Variants in UNC13A observed in about 807,000 individuals in gnomAD.
The protein encoded by UNC13A is unc-13 homolog A.
A neutral mutation model predicts 219.7 loss-of-function variants in UNC13A; 61 were observed. The ratio of observed to expected loss-of-function variants is 0.28; its 90% CI spans 0.23 to 0.34. The LOEUF is 0.34. Among genes scored for constraint, UNC13A ranks in the 10% least tolerant of loss-of-function variants. The pLI, the probability that UNC13A is intolerant of heterozygous loss-of-function variation, is 1.00. For missense variants in UNC13A, 1,476 were observed against 2,270.3 expected, an observed-to-expected ratio of 0.65 and a Z score of 7.11; for synonymous variants, 920 against 884.6, an observed-to-expected ratio of 1.04 and a Z score of -0.71.
Position 17,642,954 on chromosome 19 carries a change from C to T in UNC13A, c.2363G>A (p.Arg788Gln), listed in dbSNP as rs1271616666. 4 of 1,604,264 alleles carry T rather than the reference C, an allele frequency of 2.5e-6. No individual in the cohort carries two copies. The highest frequency in any genetic ancestry group is 3.4e-6 in the Non-Finnish European group (4 of 1,175,360). Residue 788 changes from arginine to glutamine, a missense_variant, in exon 20 of 44, where the codon CGA (arginine) becomes CAA (glutamine). By Grantham distance (43) the Arg-to-Gln change is conservative. This residue lies in a region of UNC13A where 66 missense variants were observed against 224.3 expected (regional missense o/e 0.29). Transcript: ENST00000519716. ...EMDVWYNLDKRTDKSAVSGAI... is the reference protein window; with the variant it reads ...EMDVWYNLDKQTDKSAVSGAI... The stretch of plus-strand genomic sequence containing the variant: ...ACCCGACACGGCAGATTTGTCAGTT[C>T]GCTTGTCTGCAGGGCAGAAAAAGAA...
At chr19:17,668,752 G>A (rs1308478115) in intron 5 of UNC13A, among the ~76,000 whole-genome samples, 1 of 152,112 alleles carries the variant, frequency 6.6e-6, no homozygotes, top group Non-Finnish European at 1.5e-5. Flanking sequence ...GCCTCTCAAA[G>A]TGCTGGGATT....
rs1366214382 is a variant in UNC13A, at chr19:17,602,935, G to A, written c.*3119C>T. On this transcript the variant is annotated 3_prime_UTR_variant, in exon 44 of 44. Transcript: ENST00000519716. ...TGAGAGTCCTCAGACCCCAGTCTGG[G>A]AGAAACAGAGCTGGACAGAGAAACC... 6.6e-6 allele frequency: 1 copy of A among 152,272 alleles called. No homozygotes were observed. Among genetic ancestry groups the A allele is most frequent in the African/African-American group, 2.4e-5 (1 of 41,462 alleles). 9.4% of individuals were successfully genotyped at this position (152,272 alleles called of 1,614,324 possible).
At chr19:17,655,775 A>T in intron 10 of UNC13A, 108 bp downstream of exon 10, 2 of 1,425,174 alleles carry the variant, frequency 1.4e-6, no homozygotes, top group South Asian at 3.2e-5. Context: ...AGAGCCTGTG[A>T]CAACTTCAGC....
At chr19:17,659,941 G>A (rs2079523132) in intron 8 of UNC13A, among the ~76,000 whole-genome samples, 1 of 152,140 alleles carries the variant, frequency 6.6e-6, no homozygotes, top group Admixed American at 6.6e-5. Flanking sequence ...TCTCACTTGG[G>A]CTGGAGCGCA....
intron 2 of UNC13A, among the ~76,000 whole-genome samples, chr19:17,675,755 C>T (rs937386518): frequency 2.0e-5 from 3 of 152,146 alleles, no homozygotes; most frequent in Non-Finnish European, 4.4e-5. Flanking sequence ...CTGGGAAGAG[C>T]CACTGGCTCA....
At chr19:17,646,187 T>C in intron 17 of UNC13A, 76 bp from the exon 18 acceptor site, 1 of 1,574,804 alleles carries the variant, frequency 6.3e-7, no homozygotes, top group South Asian at 1.1e-5. Context: ...TGCCACACGC[T>C]GCAGGCTGAT....
At chr19:17,661,437 T>C (rs2079549499) in intron 8 of UNC13A, among the ~76,000 whole-genome samples, 1 of 152,124 alleles carries the variant, frequency 6.6e-6, no homozygotes, top group Non-Finnish European at 1.5e-5. Flanking sequence ...CTCACACCTA[T>C]AATCCCAGCA....
At chr19:17,641,670 A>C in intron 20 of UNC13A, 114 bp from the exon 21 acceptor site, 1 of 1,069,796 alleles carries the variant, frequency 9.3e-7, no homozygotes, top group Non-Finnish European at 1.3e-6. Context: ...TCATTAATTC[A>C]TTCATCTACT....
At chr19:17,659,696 G>T (rs941878656) in intron 8 of UNC13A, among the ~76,000 whole-genome samples, 1 of 152,148 alleles carries the variant, frequency 6.6e-6, no homozygotes, top group African/African-American at 2.4e-5. Context: ...TGGAGCCCAG[G>T]AGGTCGAGGT....
chr19:17,621,477 G>GT (rs2076729118), intron 37 of UNC13A, among the ~76,000 whole-genome samples: 1 of 152,080 alleles, frequency 6.6e-6, no homozygotes, highest in African/African-American at 2.4e-5. Context: ...AGAAATCTAC[G>GT]TAAAAAACAA....
Position 17,652,632 on chromosome 19 carries a change from C to T in UNC13A, c.1438G>A (p.Gly480Ser), listed in dbSNP as rs199618402. 1.4e-5 allele frequency: 23 copies of T among 1,613,840 alleles called. No homozygotes were observed. Among genetic ancestry groups the T allele is most frequent in the African/African-American group, 9.3e-5 (7 of 75,024 alleles). The change falls in exon 12 of 44, where the codon GGC (glycine) becomes AGC (serine). Residue 480 changes from glycine (G) to serine (S), a missense_variant and splice_region_variant. Transcript: ENST00000519716. Reference sequence around the variant, plus strand: ...ACCGCTCACAGTTTCATTACTTACCCGCCTTTGAACCATAGGGATTTAGAC... The same window carrying T: ...ACCGCTCACAGTTTCATTACTTACCTGCCTTTGAACCATAGGGATTTAGAC... ...EMSKSLWFKG[G>S]PGGGLIIIDS...
intron 37 of UNC13A, among the ~76,000 whole-genome samples, chr19:17,621,346 C>T (rs1303705329): frequency 6.6e-6 from 1 of 152,146 alleles, no homozygotes; most frequent in African/African-American, 2.4e-5. Flanking sequence ...GCTAAGACTC[C>T]ATTTGTAGAC....
chr19:17,685,488 C>T (rs936463709), intron 1 of UNC13A, among the ~76,000 whole-genome samples: 2 of 152,152 alleles, frequency 1.3e-5, no homozygotes, highest in Non-Finnish European at 2.9e-5. Flanking sequence ...CCTGAGCCAC[C>T]GCGCTCGGCT....
chr19:17,640,722 C>T, intron 21 of UNC13A, 61 bp from the exon 22 acceptor site: 1 of 1,474,540 alleles, frequency 6.8e-7, no homozygotes, highest in Non-Finnish European at 9.0e-7. Context: ...CCAAGATCCC[C>T]CCTAGAATGC....
At chr19:17,677,749 T>C (rs1402755893) in intron 1 of UNC13A, among the ~76,000 whole-genome samples, 1 of 152,144 alleles carries the variant, frequency 6.6e-6, no homozygotes, top group Non-Finnish European at 1.5e-5. Flanking sequence ...ATGCACATGT[T>C]GTAAAATCCA....
chr19:17,624,991 GCCCCCACCC>G, intron 34 of UNC13A, 39 bp from the exon 35 acceptor site: 1 of 1,595,890 alleles, frequency 6.3e-7, no homozygotes, highest in South Asian at 1.1e-5. Context: ...GGCCCAGCTC[GCCCCCACCC>G]ACAGATCACC....
At chr19:17,650,932 AATTTT>A (rs2079333346) in intron 12 of UNC13A, among the ~76,000 whole-genome samples, 2 of 114,412 alleles carry the variant, frequency 1.7e-5, no homozygotes, top group Admixed American at 2.0e-4. Context: ...ACACCCAGCA[AATTTT>A]TTTTTTTTTT....
chr19:17,621,801 C>G, intron 37 of UNC13A, 31 bp downstream of exon 37: 2 of 1,611,808 alleles, frequency 1.2e-6, no homozygotes, highest in African/African-American at 1.3e-5. Context: ...CACTGGAGCT[C>G]AGGGCCTCAG....
Position 17,656,331 on chromosome 19 carries a change from C to T in UNC13A, c.835G>A (p.Asp279Asn). 1 of 1,558,704 alleles carries T rather than the reference C, an allele frequency of 6.4e-7. No homozygotes were observed. Among genetic ancestry groups the T allele is most frequent in the South Asian group, 1.2e-5 (1 of 84,578 alleles). Residue 279 changes from aspartate (D) to asparagine (N), a missense_variant, in exon 10 of 44, where the codon GAC becomes AAC. Coordinates refer to ENST00000519716, the MANE Select transcript of UNC13A (RefSeq NM_001080421.3). Reference sequence around the variant, plus strand: ...AGGCTGTGCTCGTCAGGGTCGAAGTCCTCGCTCAGCTGAGAGCTTCCCTGG... The same window carrying T: ...AGGCTGTGCTCGTCAGGGTCGAAGTTCTCGCTCAGCTGAGAGCTTCCCTGG... ...LSQGSSQLSEDFDPDEHSLQG... is the reference protein window; with the variant it reads ...LSQGSSQLSENFDPDEHSLQG...
Sources: gnomAD v4.1 joint callset for allele counts (sites outside exome capture counted in the v4.1 genomes callset) on GRCh38, gnomAD v4.1.1 for gene constraint, gnomAD v4.1.1 regional missense constraint, MANE v1.5 for transcripts, NCBI Gene and HGNC (gene_info 2026-07-23, HGNC 2026-07-21) for gene names.